The following CUL3 variants were observed in gnomAD, a reference collection of about 807,000 sequenced individuals.
The protein encoded by CUL3 is cullin-3.
In CUL3, 19 loss-of-function variants were observed where a neutral mutation model predicts 89.1. The ratio of observed to expected loss-of-function variants is 0.21; its 90% confidence interval spans 0.15 to 0.31. The LOEUF is 0.31. Among genes scored for constraint, CUL3 ranks in the 10% least tolerant of loss-of-function variants. The pLI is 1.00. For synonymous variants in CUL3, 351 were observed against 308.4 expected (o/e 1.14, Z -1.45); for missense variants, 469 against 942.3 (o/e 0.50, Z 6.58).
intron 8 of CUL3, 74 bp from the exon 9 acceptor site, chr2:224,503,896 T>C: frequency 9.0e-7 from 1 of 1,105,128 alleles, no homozygotes; most frequent in Non-Finnish European, 1.2e-6. Context: ...CATTTACAGC[T>C]TAAAAACACT....
At chr2:224,567,016 G>A (rs1484104891) in intron 1 of CUL3, among the ~76,000 whole-genome samples, 1 of 152,080 alleles carries the variant, frequency 6.6e-6, no homozygotes, top group African/African-American at 2.4e-5. Context: ...TTCTTGTAAC[G>A]TCATGACTTT....
At chr2:224,489,049 T>G (rs775489922) in intron 13 of CUL3, among the ~76,000 whole-genome samples, 1 of 152,164 alleles carries the variant, frequency 6.6e-6, no homozygotes, top group Non-Finnish European at 1.5e-5. Flanking sequence ...AGACCTTTGG[T>G]AAAATTCAAC....
chr2:224,538,765 G>T (rs1462751816), intron 2 of CUL3, among the ~76,000 whole-genome samples: 1 of 152,204 alleles, frequency 6.6e-6, no homozygotes, highest in Non-Finnish European at 1.5e-5. Context: ...GCAAGTAATG[G>T]AGAACTGATG....
chr2:224,554,657 G>A (rs948729876), intron 2 of CUL3, among the ~76,000 whole-genome samples: 1 of 152,186 alleles, frequency 6.6e-6, no homozygotes, highest in Admixed American at 6.5e-5. Flanking sequence ...GGCTGTGACT[G>A]TTAGCTAAGT....
rs765584852 is a variant in CUL3, at chr2:224,506,965, T to G, written c.922A>C (p.Asn308His). The G allele has an allele frequency of 6.3e-5, 102 of 1,613,438 alleles. No individual in the cohort carries two copies. The highest frequency in any genetic ancestry group is 8.6e-5 in the Non-Finnish European group (101 of 1,179,726). The change falls in exon 7 of 16, where the codon AAT (asparagine) becomes CAT (histidine). Residue 308 changes from asparagine (N) to histidine (H), a missense_variant. By Grantham distance (68) the Asn-to-His change is moderately conservative. Coordinates refer to ENST00000264414, the MANE Select transcript of CUL3 (RefSeq NM_003590.5). ...CACTCACACATTGTTTTCAAACCATTTGGCACACGACTAAATAACTTGTAC... is the reference window on the plus strand; with the variant it reads ...CACTCACACATTGTTTTCAAACCATGTGGCACACGACTAAATAACTTGTAC... ...CMYKLFSRVP[N>H]GLKTMCECMS...
intron 2 of CUL3, among the ~76,000 whole-genome samples, chr2:224,543,589 A>G (rs1204980169): frequency 1.3e-5 from 2 of 152,146 alleles, no homozygotes; most frequent in Admixed American, 1.3e-4. Context: ...CAGATTTTGG[A>G]ATATAATACT....
At chr2:224,522,317 G>T (rs1693297237) in intron 3 of CUL3, among the ~76,000 whole-genome samples, 1 of 151,948 alleles carries the variant, frequency 6.6e-6, no homozygotes, top group African/African-American at 2.4e-5. Flanking sequence ...ATCATAGTGG[G>T]GGAAAAAAAG....
intron 6 of CUL3, among the ~76,000 whole-genome samples, chr2:224,510,378 A>T (rs2106212903): frequency 6.6e-6 from 1 of 152,022 alleles, no homozygotes; most frequent in Admixed American, 6.6e-5. Flanking sequence ...ATTTTAAAAC[A>T]CAAGGTAAGG....
At chr2:224,569,266 T>A (rs1245181352) in intron 1 of CUL3, among the ~76,000 whole-genome samples, 1 of 152,178 alleles carries the variant, frequency 6.6e-6, no homozygotes, top group African/African-American at 2.4e-5. Context: ...ACATTTATCA[T>A]CTATATACAC....
Position 224,506,147 on chromosome 2 carries a change from C to A in CUL3, c.1030-15G>T, listed in dbSNP as rs746897593. ...TCCAATAAGCCCTTAGAAATAAAAA[C>A]AAAATTTAGGACACATTATAATAAT... On this transcript the variant is annotated splice_polypyrimidine_tract_variant and intron_variant, in intron 7 of 15. Transcript: ENST00000264414. 7.8e-6 allele frequency: 12 copies of A among 1,536,776 alleles called. No homozygotes were observed. The South Asian group carries it at 1.4e-4, about 18-fold the overall frequency.
chr2:224,578,203 T>C lies in CUL3; in HGVS notation c.66+6741A>G, dbSNP rs556392154. Among the ~76,000 whole-genome samples the C allele has an allele frequency of 3.9e-5, 6 of 152,294 alleles. No homozygotes were observed. In the South Asian group the frequency reaches 1.0e-3, roughly 26 times the overall value. On this transcript the variant is annotated intron_variant, in intron 1 of 15. Transcript: ENST00000264414. The stretch of plus-strand genomic sequence containing the variant: ...TGTGTCTAAATAGTCATAGTTGCAA[T>C]CTTTTTTAACAGAAAAAATATGGAC...
intron 2 of CUL3, among the ~76,000 whole-genome samples, chr2:224,550,790 G>C (rs1009856534): frequency 1.3e-5 from 2 of 152,026 alleles, no homozygotes; most frequent in African/African-American, 2.4e-5. Context: ...TTATTCACCT[G>C]AATTTCTGGA....
chr2:224,527,529 C>T (rs564712456), intron 3 of CUL3, among the ~76,000 whole-genome samples: 3 of 152,196 alleles, frequency 2.0e-5, no homozygotes, highest in Non-Finnish European at 2.9e-5. Flanking sequence ...TGCACTACAA[C>T]GTTCACACTA....
intron 2 of CUL3, among the ~76,000 whole-genome samples, chr2:224,539,700 C>T (rs1168613888): frequency 1.3e-5 from 2 of 151,488 alleles, no homozygotes; most frequent in East Asian, 3.9e-4. Context: ...ATAAGCTAAT[C>T]TGAAAAGGGT....
chr2:224,510,285 C>T (rs1162515592), intron 6 of CUL3, among the ~76,000 whole-genome samples: 1 of 142,350 alleles, frequency 7.0e-6, no homozygotes, highest in Non-Finnish European at 1.5e-5. Context: ...AAGGAAGCCT[C>T]TCTAGTTTTT....
intron 1 of CUL3, among the ~76,000 whole-genome samples, chr2:224,575,930 A>C (rs555429842): frequency 2.6e-5 from 4 of 152,258 alleles, no homozygotes; most frequent in Non-Finnish European, 4.4e-5. Context: ...CGTATTTTAA[A>C]TTGAATAAAT....
At position 224,584,977 on chromosome 2, in the gene CUL3, C is replaced by A. The variant is rs750354631; in HGVS notation, c.33G>T (p.Arg11=). Residue 11 remains arginine (R), a synonymous_variant, in exon 1 of 16, where the codon CGG becomes CGT. Transcript: ENST00000264414. The part of the protein sequence containing the change: MSNLSKGTGS[R]KDTKMRIRAF... ...CCCGGATCCGCATCTTGGTGTCCTT[C>A]CGGCTGCCCGTGCCTTTGCTCAGAT... 1.3e-5 allele frequency: 19 copies of A among 1,507,668 alleles called. No homozygotes were observed. Among genetic ancestry groups the A allele is most frequent in the Non-Finnish European group, 1.6e-5 (18 of 1,117,054 alleles). The allele number at this position is 1,507,668 out of a possible 1,614,324, so 93.4% of individuals were successfully genotyped here.
intron 1 of CUL3, among the ~76,000 whole-genome samples, chr2:224,568,164 ACTC>A (rs942914664): frequency 6.6e-6 from 1 of 151,986 alleles, no homozygotes; most frequent in African/African-American, 2.4e-5. Flanking sequence ...CCTTCACTGA[ACTC>A]CTCAAGCAAA....
At chr2:224,541,413 C>A (rs1190050053) in intron 2 of CUL3, among the ~76,000 whole-genome samples, 1 of 152,148 alleles carries the variant, frequency 6.6e-6, no homozygotes, top group Non-Finnish European at 1.5e-5. Flanking sequence ...ATCAGAATGG[C>A]TAAAACAAAA....
Sources: allele counts gnomAD v4.1 joint callset (sites outside exome capture counted in the v4.1 genomes callset), GRCh38; gene constraint gnomAD v4.1.1; transcripts MANE v1.5; gene names NCBI Gene and HGNC (gene_info 2026-07-23, HGNC 2026-07-21).